ING5: variants seen among roughly 807,000 people sequenced by gnomAD.
The protein encoded by ING5 is inhibitor of growth protein 5.
ING5 carries 17 observed loss-of-function variants against 37.4 expected under a neutral mutation model. The observed-to-expected ratio is 0.45, with a 90% CI of 0.31 to 0.68. ING5 has a LOEUF of 0.68. Ranked by LOEUF, ING5 falls within the 30% of genes least tolerant of loss-of-function variation. The pLI is 0.05. For synonymous variants in ING5, 123 were observed against 116.6 expected, an observed-to-expected ratio of 1.06 and a Z score of -0.36; for missense variants, 233 against 311.9, an observed-to-expected ratio of 0.75 and a Z score of 1.91.
chr2:241,722,125 G>T (rs1279657693), intron 5 of ING5: 14 of 985,304 alleles, frequency 1.4e-5, no homozygotes, highest in Non-Finnish European at 1.7e-5. Flanking sequence ...GGCGCAGGAC[G>T]CATGGCTGTT....
At chr2:241,687,450 C>T in exon 1 of ING5, 1 of 398,648 alleles carries the variant, frequency 2.5e-6, no homozygotes, top group Non-Finnish European at 4.4e-6. Context: ...TGTAGGAGAA[C>T]CATGGGATCG....
At position 241,719,684 on chromosome 2, in the gene ING5, G is replaced by T. The variant is rs890047008; in HGVS notation, c.483-3255G>T. On this transcript the variant is annotated intron_variant, in intron 5 of 7. Transcript: ENST00000313552. ...TGAAGGAGACTCCAGCTCCCTGTTGGGGTCGGGGCTTCCTCCCTGAGGGCT... is the reference window on the plus strand; with the variant it reads ...TGAAGGAGACTCCAGCTCCCTGTTGTGGTCGGGGCTTCCTCCCTGAGGGCT... 6.6e-6 allele frequency: 10 copies of T among 1,525,080 alleles called. No individual in the cohort carries two copies. The African/African-American group carries it at 1.4e-4, about 21-fold the overall frequency. The allele number at this position is 1,525,080 out of a possible 1,614,324, so 94.5% of individuals were successfully genotyped here.
chr2:241,700,721 A>G (rs983660810), upstream of ING5, among the ~76,000 whole-genome samples: 2 of 151,448 alleles, frequency 1.3e-5, no homozygotes, highest in Non-Finnish European at 2.9e-5. Flanking sequence ...CCCTCTCCCA[A>G]GTTCAAGTAA....
intron 2 of ING5, among the ~76,000 whole-genome samples, chr2:241,694,442 CA>C (rs1319225439): frequency 4.3e-5 from 6 of 139,166 alleles, no homozygotes; most frequent in East Asian, 2.1e-4. Flanking sequence ...GACTCCATCT[CA>C]AAAAAAAAAG....
intron 5 of ING5, chr2:241,721,781 A>T (rs1371669096): frequency 1.0e-6 from 1 of 985,308 alleles, no homozygotes; most frequent in Admixed American, 6.1e-5. Flanking sequence ...AAAATACTGA[A>T]ATATAAAAGC....
chr2:241,689,217 A>G lies in ING5; in HGVS notation c.-773-621A>G, dbSNP rs189724937. Among the ~76,000 whole-genome samples the G allele has an allele frequency of 2.4e-3, 370 of 151,882 alleles. 2 individuals are homozygous for G. Among genetic ancestry groups the G allele is most frequent in the South Asian group, 0.011 (51 of 4,798 alleles). On this transcript the variant is annotated intron_variant, in intron 1 of 7. Transcript: ENST00000636051. The stretch of plus-strand genomic sequence containing the variant: ...AACCTCCACTTCCCGGGTTCAACCT[A>G]TTCTCCTGCATCAACCTCCCAAGTA...
chr2:241,714,438 CTG>C (rs769040980), intron 5 of ING5, among the ~76,000 whole-genome samples: 8 of 152,076 alleles, frequency 5.3e-5, no homozygotes, highest in Non-Finnish European at 1.2e-4. Flanking sequence ...TGGAAAAAAT[CTG>C]TGTCTTTCAA....
Position 241,709,355 on chromosome 2 carries a change from G to T in ING5, c.249G>T (p.Val83=), listed in dbSNP as rs767486538. 33 of 1,613,612 alleles carry T rather than the reference G, an allele frequency of 2.0e-5. No individual in the cohort carries two copies. The highest frequency in any genetic ancestry group is 2.7e-5 in the African/African-American group (2 of 74,768). ...GCAAGGAATACAGTGACGACAAAGT[G>T]CAGCTGGCCATGCAGACCTACGAGA... ...SKCKEYSDDK[V]QLAMQTYEMV... The change falls in exon 3 of 8, where the codon GTG becomes GTT. Residue 83 remains valine (V), a synonymous_variant. Transcript: ENST00000313552.
At chr2:241,717,810 T>C (rs1446165727) in intron 5 of ING5, among the ~76,000 whole-genome samples, 1 of 152,120 alleles carries the variant, frequency 6.6e-6, no homozygotes, top group Non-Finnish European at 1.5e-5. Flanking sequence ...TTGTTGAGCA[T>C]CTTTGAACTG....
intron 5 of ING5, among the ~76,000 whole-genome samples, chr2:241,713,012 A>C (rs1486927422): frequency 6.6e-6 from 1 of 151,202 alleles, no homozygotes; most frequent in East Asian, 1.9e-4. Flanking sequence ...AAAAAAAAAA[A>C]TAAAGAGAAA....
At chr2:241,704,577 A>C (rs2069845711) in intron 1 of ING5, 76 bp from the exon 2 acceptor site, 1 of 1,237,426 alleles carries the variant, frequency 8.1e-7, no homozygotes, top group Admixed American at 1.7e-5. Context: ...TCAAAAAAAA[A>C]AGACAGAAAA....
At chr2:241,701,686 C>G (rs2069729555), upstream of ING5, among the ~76,000 whole-genome samples, 1 of 152,146 alleles carries the variant, frequency 6.6e-6, no homozygotes, top group South Asian at 2.1e-4. Flanking sequence ...TGGGCGCCGT[C>G]AGGACGGGCG....
In ING5 at chr2:241,709,278, C is replaced by T. The variant is rs767361919; in HGVS notation, c.172C>T (p.Pro58Ser). 1.9e-6 allele frequency: 3 copies of T among 1,614,078 alleles called. No homozygotes were observed. Among genetic ancestry groups the T allele is most frequent in the East Asian group, 4.5e-5 (2 of 44,886 alleles). Residue 58 changes from proline (P) to serine (S), a missense_variant, in exon 3 of 8, where the codon CCA becomes TCA. Transcript: ENST00000313552. ...CATCTCCACGGTGAAGACGCTGTCT[C>T]CAGACCAGCGCGTGGAGCGCCTGCA... ...EYISTVKTLS[P>S]DQRVERLQKI...
exon 1 of ING5, chr2:241,687,220 CAG>C: frequency 2.5e-6 from 1 of 396,854 alleles, no homozygotes; most frequent in Non-Finnish European, 4.4e-6. Context: ...GCCCGACTCT[CAG>C]GGCCCTGCGG....
intron 3 of ING5, among the ~76,000 whole-genome samples, chr2:241,710,197 C>T (rs994475404): frequency 3.3e-5 from 5 of 152,112 alleles, no homozygotes; most frequent in African/African-American, 9.7e-5. Flanking sequence ...ACCTGTGCCT[C>T]GCAGGTTCAA....
intron 5 of ING5, chr2:241,719,405 C>T (rs138468839): frequency 0.04 from 29,102 of 728,348 alleles, 734 homozygotes; most frequent in Middle Eastern, 0.081. Flanking sequence ...TCATCTAGCT[C>T]TTGTTGCTCC....
At chr2:241,705,382 CTCTGTTTTTT>C (rs1323576202) in intron 2 of ING5, among the ~76,000 whole-genome samples, 1 of 134,984 alleles carries the variant, frequency 7.4e-6, no homozygotes, top group African/African-American at 2.6e-5. Context: ...CTGGCCCTAA[CTCTGTTTTTT>C]TCTTTTTTTT....
chr2:241,722,549 C>T (rs1005806325), intron 5 of ING5: 1 of 985,292 alleles, frequency 1.0e-6, no homozygotes, highest in African/African-American at 1.7e-5. Flanking sequence ...GGTAACTGTT[C>T]TTTCTAGCAT....
At chr2:241,713,554 G>C (rs999735912) in intron 5 of ING5, among the ~76,000 whole-genome samples, 2 of 149,860 alleles carry the variant, frequency 1.3e-5, no homozygotes, top group African/African-American at 4.9e-5. Context: ...TTTATTTTTT[G>C]TAGAGATGAG....
Sources: allele counts gnomAD v4.1 joint callset (sites outside exome capture counted in the v4.1 genomes callset), GRCh38; gene constraint gnomAD v4.1.1; transcripts MANE v1.5; gene names NCBI Gene and HGNC (gene_info 2026-07-23, HGNC 2026-07-21).